WLS: variants seen among roughly 807,000 people sequenced by gnomAD.
The protein encoded by WLS is protein wntless homolog.
Under a neutral mutation model 62.8 loss-of-function variants are expected in WLS, and 23 were observed. The observed-to-expected ratio is 0.37, with a 90% confidence interval of 0.26 to 0.52. WLS has a LOEUF of 0.52. Ranked by LOEUF, WLS falls within the 20% of genes least tolerant of loss-of-function variation. WLS has a pLI of 0.92. For missense variants in WLS, 615 were observed against 697.3 expected (o/e 0.88, Z 1.33); for synonymous variants, 246 against 244.1 (o/e 1.01, Z -0.07).
chr1:68,225,514 C>A (rs533798953), intron 1 of WLS, among the ~76,000 whole-genome samples: 1 of 152,292 alleles, frequency 6.6e-6, no homozygotes, highest in African/African-American at 2.4e-5. Flanking sequence ...CCCTGTGTCT[C>A]ATTACCTCTC....
chr1:68,115,655 C>T (rs56901881), intron 11 of WLS, among the ~76,000 whole-genome samples: 46 of 152,284 alleles, frequency 3.0e-4, no homozygotes, highest in African/African-American at 1.1e-3. Context: ...GCCGCTATTA[C>T]TCTTGTTGTT....
At chr1:68,184,638 T>C (rs574879751) in intron 2 of WLS, among the ~76,000 whole-genome samples, 1 of 152,336 alleles carries the variant, frequency 6.6e-6, no homozygotes, top group Admixed American at 6.5e-5. Context: ...GAGTAAAAAT[T>C]GAAATCCCAT....
At chr1:68,113,301 C>A (rs941393903) in intron 11 of WLS, among the ~76,000 whole-genome samples, 3 of 152,164 alleles carry the variant, frequency 2.0e-5, no homozygotes, top group African/African-American at 7.2e-5. Flanking sequence ...GGTGAGTTTG[C>A]AGAAGCCCTG....
At chr1:68,098,934 C>A in intron 11 of WLS, 1 of 919,742 alleles carries the variant, frequency 1.1e-6, no homozygotes, top group Non-Finnish European at 1.5e-6. Context: ...CAGATTTCTC[C>A]CTTGCCCACT....
At position 68,144,666 on chromosome 1, in the gene WLS, A is replaced by C. The variant is rs371331584; in HGVS notation, c.1279-14T>G. On this transcript the variant is annotated splice_polypyrimidine_tract_variant and intron_variant, in intron 9 of 11. Transcript: ENST00000262348. ...AAAAATTAGCCCCTATTAGAAAAGA[A>C]AGAGTAGTTTAATACTCCATCAGCT... 3.5e-5 allele frequency: 57 copies of C among 1,608,670 alleles called. No individual in the cohort carries two copies. In the African/African-American group the frequency reaches 4.5e-4, roughly 13 times the overall value.
At chr1:68,166,507 G>T (rs1647061829) in intron 2 of WLS, among the ~76,000 whole-genome samples, 2 of 152,188 alleles carry the variant, frequency 1.3e-5, no homozygotes, top group Admixed American at 1.3e-4. Context: ...GATCACGTAA[G>T]GGCCCCACTG....
intron 5 of WLS, among the ~76,000 whole-genome samples, chr1:68,152,546 G>A (rs78746858): frequency 1.3e-5 from 2 of 152,164 alleles, no homozygotes; most frequent in African/African-American, 4.8e-5. Context: ...TAAAAAAAAA[G>A]TGAGGAACAA....
intron 1 of WLS, among the ~76,000 whole-genome samples, chr1:68,219,724 A>G (rs575909423): frequency 6.6e-5 from 10 of 152,356 alleles, no homozygotes; most frequent in African/African-American, 2.4e-4. Context: ...ACAGTTTGAC[A>G]GAGGTTATAT....
At chr1:68,187,789 A>T (rs2100586840) in intron 2 of WLS, among the ~76,000 whole-genome samples, 1 of 152,350 alleles carries the variant, frequency 6.6e-6, no homozygotes, top group East Asian at 1.9e-4. Context: ...TGGCAAAAAA[A>T]AAAGTAGCTA....
intron 9 of WLS, 86 bp downstream of exon 9, chr1:68,145,779 GCTTT>G: frequency 6.6e-7 from 1 of 1,526,014 alleles, no homozygotes; most frequent in Non-Finnish European, 8.8e-7. Context: ...CAAAGTAAAG[GCTTT>G]CTATCTCCAG....
At chr1:68,179,952 G>A (rs1473934629) in intron 2 of WLS, among the ~76,000 whole-genome samples, 2 of 152,142 alleles carry the variant, frequency 1.3e-5, no homozygotes, top group East Asian at 3.9e-4. Flanking sequence ...CTGCTAGTCT[G>A]ATCAGTTATG....
At chr1:68,170,909 T>C (rs1159177558) in intron 2 of WLS, among the ~76,000 whole-genome samples, 1 of 152,222 alleles carries the variant, frequency 6.6e-6, no homozygotes, top group African/African-American at 2.4e-5. Flanking sequence ...CAATAGATAT[T>C]CATTGAATAT....
intron 1 of WLS, among the ~76,000 whole-genome samples, chr1:68,226,941 G>A (rs1650166920): frequency 6.6e-6 from 1 of 152,186 alleles, no homozygotes; most frequent in Non-Finnish European, 1.5e-5. Context: ...CATGTAGGAA[G>A]GGAAGGCCTG....
intron 11 of WLS, among the ~76,000 whole-genome samples, chr1:68,128,889 G>C (rs1420200514): frequency 6.6e-6 from 1 of 152,092 alleles, no homozygotes; most frequent in African/African-American, 2.4e-5. Flanking sequence ...TAAATAGTGT[G>C]TGGGATTCAA....
rs1650453498 is a variant in WLS, at chr1:68,232,062, T to G, written c.106+132A>C. The stretch of plus-strand genomic sequence containing the variant: ...GGAGCCCCATGGAGCTCTGCTTTCT[T>G]AAGCACAATAGCCGGACTAATTAGA... On this transcript the variant is annotated intron_variant, in intron 1 of 11. Transcript: ENST00000262348. 5.5e-6 allele frequency: 7 copies of G among 1,262,044 alleles called. No homozygotes were observed. The Admixed American group carries it at 1.6e-4, about 29-fold the overall frequency. 78.2% of individuals were successfully genotyped at this position (1,262,044 alleles called of 1,614,324 possible). A position where few individuals can be genotyped will look rare whatever the true frequency, so the allele number is the denominator to read the frequency against.
downstream of WLS, among the ~76,000 whole-genome samples, chr1:68,120,694 C>CCGTG (rs1646353105): frequency 6.6e-6 from 1 of 150,598 alleles, no homozygotes; most frequent in Admixed American, 6.6e-5. Context: ...CTGTTAAGTT[C>CCGTG]TGTGTGTGTG....
intron 11 of WLS, among the ~76,000 whole-genome samples, chr1:68,101,512 A>T (rs559664607): frequency 2.6e-5 from 4 of 152,360 alleles, no homozygotes; most frequent in Admixed American, 2.6e-4. Context: ...ATGAAGCGTC[A>T]CAAAGACAGA....
chr1:68,224,507 T>C (rs994434319), intron 1 of WLS, among the ~76,000 whole-genome samples: 1 of 152,204 alleles, frequency 6.6e-6, no homozygotes, highest in Non-Finnish European at 1.5e-5. Flanking sequence ...GAGGGCCCAC[T>C]ATCTCGACAA....
At chr1:68,106,185 A>G (rs919562379) in intron 11 of WLS, among the ~76,000 whole-genome samples, 2 of 152,232 alleles carry the variant, frequency 1.3e-5, no homozygotes, top group Admixed American at 1.3e-4. Flanking sequence ...CATAATATAT[A>G]TACTCTGGAG....
Sources: gnomAD v4.1 joint callset for allele counts (sites outside exome capture counted in the v4.1 genomes callset) on GRCh38, gnomAD v4.1.1 for gene constraint, MANE v1.5 for transcripts, NCBI Gene and HGNC (gene_info 2026-07-23, HGNC 2026-07-21) for gene names.